Variants in GTF2A2 observed in about 807,000 individuals in gnomAD.
The protein encoded by GTF2A2 is general transcription factor IIA subunit 2.
Under a neutral mutation model 14.3 loss-of-function variants are expected in GTF2A2, and 9 were observed. The observed-to-expected ratio is 0.63, with a 90% CI of 0.38 to 1.10. The LOEUF (loss-of-function observed/expected upper bound fraction) is 1.10, where lower values mean the gene tolerates loss of function less well. GTF2A2 is among the 50% of genes least tolerant of loss of function. The pLI, the probability that GTF2A2 is intolerant of heterozygous loss-of-function variation, is 0.01. For synonymous variants in GTF2A2, 56 were observed against 46.0 expected, an observed-to-expected ratio of 1.22 and a Z score of -0.88; for missense variants, 90 against 124.6, an observed-to-expected ratio of 0.72 and a Z score of 1.32.
chr15:59,646,033 T>TAA (rs34672716), intron 3 of GTF2A2, among the ~76,000 whole-genome samples: 12,181 of 137,926 alleles, frequency 0.088, 825 homozygotes, highest in East Asian at 0.24. Context: ...GGCTCCGCCT[T>TAA]AAAAAAAAAA....
chr15:59,645,753 T>G (rs1191431818), intron 3 of GTF2A2, among the ~76,000 whole-genome samples: 2 of 152,110 alleles, frequency 1.3e-5, no homozygotes, highest in Non-Finnish European at 2.9e-5. Flanking sequence ...TGTATATTAC[T>G]GGCCGGGTGT....
chr15:59,641,196 T>C (rs1566924840), intron 4 of GTF2A2, among the ~76,000 whole-genome samples: 1 of 67,362 alleles, frequency 1.5e-5, no homozygotes, highest in Admixed American at 1.5e-4. Context: ...TTTTTTTTTT[T>C]TTTTAAGGCT....
Position 59,650,772 on chromosome 15 carries a change from G to C in GTF2A2, c.74C>G (p.Ser25Cys). The part of the protein sequence containing the change: ...LQESLDELIQ[S>C]QQITPQLALQ... Reference sequence around the variant, plus strand: ...GGCAAGTTGGGGGGTGATCTGTTGAGACTGAGAAAAGGTAAAGGTCATAAA... The same window carrying C: ...GGCAAGTTGGGGGGTGATCTGTTGACACTGAGAAAAGGTAAAGGTCATAAA... Residue 25 changes from serine to cysteine, a missense_variant and splice_region_variant, in exon 3 of 5, where the codon TCT (serine) becomes TGT (cysteine). Ser to Cys is a moderately radical substitution (Grantham distance 112, BLOSUM62 -1). Transcript: ENST00000396060. 3.2e-6 allele frequency: 5 copies of C among 1,557,346 alleles called. No homozygotes were observed. The highest frequency in any genetic ancestry group is 4.4e-6 in the Non-Finnish European group (5 of 1,129,246).
At chr15:59,640,790 G>A (rs975422660) in intron 4 of GTF2A2, among the ~76,000 whole-genome samples, 11 of 152,236 alleles carry the variant, frequency 7.2e-5, no homozygotes, top group African/African-American at 2.6e-4. Context: ...TTCAAATATA[G>A]AAATGTTATC....
chr15:59,643,469 A>G (rs1175886273), intron 3 of GTF2A2, among the ~76,000 whole-genome samples: 2 of 152,058 alleles, frequency 1.3e-5, no homozygotes, highest in Non-Finnish European at 2.9e-5. Flanking sequence ...CTCCCGCCTC[A>G]GCCTCCCAAA....
chr15:59,639,027 G>A lies in GTF2A2; in HGVS notation c.*105C>T, dbSNP rs1891285475. ...CTGGAATTCTCTGGTATAGCACAGT[G>A]TAGTCATTTCTGCAATTCTAGAATA... On this transcript the variant is annotated 3_prime_UTR_variant, in exon 5 of 5. Coordinates refer to ENST00000396060, the MANE Select transcript of GTF2A2 (RefSeq NM_004492.3). 1.4e-6 allele frequency: 1 copy of A among 733,278 alleles called. No homozygotes were observed. The highest frequency in any genetic ancestry group is 2.5e-6 in the Non-Finnish European group (1 of 401,558). The allele number at this position is 733,278 out of a possible 1,614,324, so 45.4% of individuals were successfully genotyped here.
chr15:59,656,428 CT>C (rs57474581), intron 1 of GTF2A2, among the ~76,000 whole-genome samples: 50 of 148,836 alleles, frequency 3.4e-4, no homozygotes, highest in East Asian at 3.9e-4. Context: ...TTATATTTCT[CT>C]TTTTTTTTTT....
chr15:59,655,606 C>G (rs1446465961), intron 1 of GTF2A2, among the ~76,000 whole-genome samples: 1 of 152,130 alleles, frequency 6.6e-6, no homozygotes. Flanking sequence ...GGACACAGTC[C>G]TTAGGCCTCT....
chr15:59,650,875 CA>C, intron 2 of GTF2A2, 102 bp from the exon 3 acceptor site: 1 of 654,834 alleles, frequency 1.5e-6, no homozygotes, highest in Non-Finnish European at 2.6e-6. Flanking sequence ...TGAGGTTAAC[CA>C]AAGCCTCTAA....
intron 1 of GTF2A2, chr15:59,656,890 CTTG>C (rs2141970621): frequency 6.6e-6 from 1 of 152,324 alleles, no homozygotes; most frequent in Admixed American, 6.5e-5. Flanking sequence ...TTGTTCCCTT[CTTG>C]TTTTGCAGTT....
intron 3 of GTF2A2, among the ~76,000 whole-genome samples, chr15:59,645,432 G>T (rs1306429447): frequency 6.6e-6 from 1 of 152,098 alleles, no homozygotes; most frequent in Non-Finnish European, 1.5e-5. Context: ...TACGAGAAAA[G>T]CTCACACAGT....
At chr15:59,656,463 C>T (rs1266298221) in intron 1 of GTF2A2, among the ~76,000 whole-genome samples, 1 of 151,160 alleles carries the variant, frequency 6.6e-6, no homozygotes, top group African/African-American at 2.4e-5. Context: ...CTTTCTAACA[C>T]CATTATATAT....
intron 3 of GTF2A2, 139 bp from the exon 4 acceptor site, chr15:59,642,401 T>C (rs1302935203): frequency 6.1e-6 from 4 of 659,454 alleles, no homozygotes; most frequent in African/African-American, 3.7e-5. Flanking sequence ...ACTTTAATCC[T>C]AGCTATTAAA....
chr15:59,652,966 A>G (rs1891838359), intron 1 of GTF2A2: 1 of 152,222 alleles, frequency 6.6e-6, no homozygotes, highest in Non-Finnish European at 1.5e-5. Context: ...GAGGGAAGTC[A>G]TTCCAGAGGC....
At chr15:59,650,903 C>T in intron 2 of GTF2A2, 130 bp from the exon 3 acceptor site, 1 of 588,928 alleles carries the variant, frequency 1.7e-6, no homozygotes, top group Non-Finnish European at 3.0e-6. Flanking sequence ...ATTCCTTTAT[C>T]TCCTTTGCCA....
At position 59,638,855 on chromosome 15, in the gene GTF2A2, C is replaced by T; in HGVS notation, c.*277G>A. ...TCATATTGCTACCTTAATAGCTTCA[C>T]CAGTTATTACTCAGAGTTTTAAAAT... On this transcript the variant is annotated 3_prime_UTR_variant, in exon 5 of 5. Coordinates refer to ENST00000396060, the MANE Select transcript of GTF2A2 (RefSeq NM_004492.3). 1 of 345,126 alleles carries T rather than the reference C, an allele frequency of 2.9e-6. No homozygotes were observed. 21.4% of individuals were successfully genotyped at this position (345,126 alleles called of 1,614,324 possible).
At chr15:59,656,565 T>C (rs1891948558) in intron 1 of GTF2A2, among the ~76,000 whole-genome samples, 1 of 152,038 alleles carries the variant, frequency 6.6e-6, no homozygotes, top group Non-Finnish European at 1.5e-5. Context: ...TCTAGAACAG[T>C]ACCTGGCACA....
At position 59,644,588 on chromosome 15, in the gene GTF2A2, A is replaced by C. The variant is rs373412670; in HGVS notation, c.178-2326T>G. 1.5e-4 allele frequency among the ~76,000 whole-genome samples: 23 copies of C among 152,350 alleles called. No individual in the cohort carries two copies. The South Asian group carries it at 4.8e-3, about 32-fold the overall frequency. On this transcript the variant is annotated intron_variant, in intron 3 of 4. Coordinates refer to ENST00000396060, the MANE Select transcript of GTF2A2 (RefSeq NM_004492.3). ...TTAAAACAGGTAAATACGTAGTATA[A>C]CAGTGCTATGAAAGAGTAAGTTACT...
Position 59,642,272 on chromosome 15 carries a change from A to G in GTF2A2, c.178-10T>C, listed in dbSNP as rs1160082597. 4 of 1,582,372 alleles carry G rather than the reference A, an allele frequency of 2.5e-6. No individual in the cohort carries two copies. The highest frequency in any genetic ancestry group is 3.4e-6 in the Non-Finnish European group (4 of 1,167,252). The stretch of plus-strand genomic sequence containing the variant: ...ACGTATTTAGAGAGCCCTTTAAAAC[A>G]AAACATTTAGAAATACCGTGAAACG... On this transcript the variant is annotated splice_polypyrimidine_tract_variant and intron_variant, in intron 3 of 4. Transcript: ENST00000396060.
Sources: allele counts gnomAD v4.1 joint callset (sites outside exome capture counted in the v4.1 genomes callset), GRCh38; gene constraint gnomAD v4.1.1; transcripts MANE v1.5; gene names NCBI Gene and HGNC (gene_info 2026-07-23, HGNC 2026-07-21).